MPRIP: variants seen among roughly 807,000 people sequenced by gnomAD.
MPRIP encodes myosin phosphatase Rho interacting protein, also known as myosin phosphatase Rho-interacting protein.
In MPRIP, 59 loss-of-function variants were observed where a neutral mutation model predicts 234.9. The observed-to-expected ratio is 0.25, with a 90% CI of 0.20 to 0.31. The LOEUF is 0.31. MPRIP is among the 10% of genes least tolerant of loss of function. MPRIP has a pLI of 1.00. For synonymous variants in MPRIP, 1,144 were observed against 1,263.9 expected (o/e 0.91, Z 2.01); for missense variants, 2,436 against 3,071.0 (o/e 0.79, Z 4.89).
At position 17,052,191 on chromosome 17, in the gene MPRIP, A is replaced by G. The variant is rs182933668; in HGVS notation, c.123+9220A>G. Among the ~76,000 whole-genome samples the G allele has an allele frequency of 2.1e-3, 322 of 152,316 alleles. 4 individuals are homozygous for G. Among genetic ancestry groups the G allele is most frequent in the Admixed American group, 0.02 (304 of 15,294 alleles). On this transcript the variant is annotated intron_variant, in intron 1 of 23. Coordinates refer to ENST00000651222, the MANE Select transcript of MPRIP (RefSeq NM_001364716.4). Reference sequence around the variant, plus strand: ...TTCAGCTCCATGAGGCTCCCGTGCCAGAGTCCACCCTGGCTCCAGACTCCA... The same window carrying G: ...TTCAGCTCCATGAGGCTCCCGTGCCGGAGTCCACCCTGGCTCCAGACTCCA...
chr17:17,092,523 A>C (rs1263907243), intron 3 of MPRIP, among the ~76,000 whole-genome samples: 1 of 152,170 alleles, frequency 6.6e-6, no homozygotes, highest in East Asian at 1.9e-4. Flanking sequence ...GCCAGAGCCC[A>C]GTTGGTGGGA....
chr17:17,066,517 A>G (rs2089028697), intron 1 of MPRIP, among the ~76,000 whole-genome samples: 1 of 152,036 alleles, frequency 6.6e-6, no homozygotes, highest in Non-Finnish European at 1.5e-5. Flanking sequence ...CTATAAATAT[A>G]TTGCTGAATT....
rs975421975 is a variant in MPRIP at position 17,051,954 on chromosome 17, C to G, written c.123+8983C>G. Among the ~76,000 whole-genome samples the G allele has an allele frequency of 1.1e-4, 16 of 152,218 alleles. 1 individual carries two copies. In the South Asian group the frequency reaches 1.2e-3, roughly 12 times the overall value. On this transcript the variant is annotated intron_variant, in intron 1 of 23. Transcript: ENST00000651222. ...GTCAGAGCTGCTTTGCAGCGAGACT[C>G]TGAGTGGATGGGCCTGCCGGATCCT...
chr17:17,121,914 G>A (rs1445784087), intron 3 of MPRIP, among the ~76,000 whole-genome samples: 1 of 152,158 alleles, frequency 6.6e-6, no homozygotes, highest in Non-Finnish European at 1.5e-5. Context: ...CATGTGCTGT[G>A]TGGTTTTCTG....
Position 17,078,041 on chromosome 17 carries a change from G to A in MPRIP, c.232G>A (p.Glu78Lys). ...GCAGCGACGGTTCTTCATCCTTTAC[G>A]AGCACGGCCTCTTGCGCTACGCCCT... ...KWQRRFFILY[E>K]HGLLRYALDE... Residue 78 changes from glutamate to lysine, a missense_variant, in exon 3 of 24, where the codon GAG (glutamate) becomes AAG (lysine). By Grantham distance (56) the Glu-to-Lys change is moderately conservative (BLOSUM62 1). Coordinates refer to ENST00000651222, the MANE Select transcript of MPRIP (RefSeq NM_001364716.4). This position sits in a 1 kb window ranked among gnomAD's most constrained non-coding sequence, Gnocchi z 4.3. 2 of 1,614,126 alleles carry A rather than the reference G, an allele frequency of 1.2e-6. No homozygotes were observed. Among genetic ancestry groups the A allele is most frequent in the Non-Finnish European group, 1.7e-6 (2 of 1,180,032 alleles).
At chr17:17,183,153 C>G (rs1307152272) in intron 23 of MPRIP, 4 of 152,324 alleles carry the variant, frequency 2.6e-5, no homozygotes, top group Non-Finnish European at 4.4e-5. Flanking sequence ...AAGAAACCCT[C>G]TCAGAAACAC....
At chr17:17,106,660 G>A (rs1414706330) in intron 3 of MPRIP, among the ~76,000 whole-genome samples, 1 of 152,226 alleles carries the variant, frequency 6.6e-6, no homozygotes, top group Admixed American at 6.5e-5. Context: ...TAGTCTGGGA[G>A]GCAGGTCAGT....
At chr17:17,114,549 A>C (rs532671841) in intron 3 of MPRIP, among the ~76,000 whole-genome samples, 16 of 152,036 alleles carry the variant, frequency 1.1e-4, no homozygotes, top group Admixed American at 7.9e-4. Context: ...TTGTTCTTGC[A>C]TTGAGGTATC....
chr17:17,106,216 G>A (rs1245305892), intron 3 of MPRIP, among the ~76,000 whole-genome samples: 1 of 152,250 alleles, frequency 6.6e-6, no homozygotes, highest in Non-Finnish European at 1.5e-5. Flanking sequence ...GAGGTGCTCA[G>A]TACCCCGTTT....
At chr17:17,127,574 A>G (rs766645326) in intron 4 of MPRIP, among the ~76,000 whole-genome samples, 7 of 152,274 alleles carry the variant, frequency 4.6e-5, no homozygotes, top group Non-Finnish European at 1.0e-4. Flanking sequence ...GAAAAGCCGT[A>G]CATAGTCCGT....
At chr17:17,072,792 C>T (rs944057519) in intron 1 of MPRIP, among the ~76,000 whole-genome samples, 2 of 152,118 alleles carry the variant, frequency 1.3e-5, no homozygotes, top group African/African-American at 4.8e-5. Flanking sequence ...ACAGATGGCT[C>T]CTCATGGCCC....
intron 4 of MPRIP, among the ~76,000 whole-genome samples, chr17:17,130,503 C>A (rs1456752747): frequency 2.0e-5 from 3 of 151,994 alleles, no homozygotes; most frequent in Non-Finnish European, 4.4e-5. Flanking sequence ...GACTCGAGCC[C>A]TTCTCCTGCC....
At chr17:17,163,929 A>G (rs2045925036) in intron 15 of MPRIP, among the ~76,000 whole-genome samples, 180 bp from the exon 16 acceptor site, 1 of 39,370 alleles carries the variant, frequency 2.5e-5, no homozygotes, top group Admixed American at 4.0e-4. Flanking sequence ...GCTACTTACT[A>G]AAAAAAAAAA....
intron 1 of MPRIP, among the ~76,000 whole-genome samples, chr17:17,064,672 T>C (rs1027583263): frequency 6.6e-6 from 1 of 152,210 alleles, no homozygotes; most frequent in Admixed American, 6.5e-5. Context: ...TTGGCTTTTT[T>C]CACCTAGAAT....
intron 18 of MPRIP, 65 bp from the exon 19 acceptor site, chr17:17,173,851 G>A: frequency 1.3e-6 from 2 of 1,594,620 alleles, no homozygotes; most frequent in Non-Finnish European, 1.7e-6. Flanking sequence ...GTCAAGGAGG[G>A]ACACCGGCCT....
In MPRIP at chr17:17,164,967, G is replaced by C; in HGVS notation, c.3376G>C (p.Glu1126Gln). ...GACAGAGCGCGTGGCCACGTCCGAC[G>C]AGGATGTGGCTGAGCTCCGGGAAAA... ...ELTERVATSD[E>Q]DVAELREKLR... The change falls in exon 16 of 24, where the codon GAG becomes CAG. Residue 1126 changes from glutamate to glutamine, a missense_variant. Around this residue, in one of 4 missense-constraint regions of MPRIP, gnomAD observed 1,998 missense variants for 2,520.3 expected, o/e 0.79. Coordinates refer to ENST00000651222, the MANE Select transcript of MPRIP (RefSeq NM_001364716.4). 5.4e-6 allele frequency: 7 copies of C among 1,303,230 alleles called. No individual in the cohort carries two copies. Among genetic ancestry groups the C allele is most frequent in the Non-Finnish European group, 7.1e-6 (7 of 988,862 alleles). 80.7% of individuals were successfully genotyped at this position (1,303,230 alleles called of 1,614,324 possible). A position where few individuals can be genotyped will look rare whatever the true frequency, so the allele number is the denominator to read the frequency against.
intron 3 of MPRIP, among the ~76,000 whole-genome samples, chr17:17,108,647 T>A (rs2090109295): frequency 6.6e-6 from 1 of 152,174 alleles, no homozygotes; most frequent in Admixed American, 6.5e-5. Flanking sequence ...TAGAGAGGTC[T>A]GGGCCCCCTG....
intron 15 of MPRIP, among the ~76,000 whole-genome samples, chr17:17,163,397 G>T (rs1051831194): frequency 6.6e-6 from 1 of 152,084 alleles, no homozygotes; most frequent in Non-Finnish European, 1.5e-5. Context: ...TTTCATTTAC[G>T]TTGTGTTTTG....
rs1033932956 is a variant in MPRIP, at chr17:17,049,061, G to A, written c.123+6090G>A. Among the ~76,000 whole-genome samples, 4 of 152,208 alleles carry A rather than the reference G, an allele frequency of 2.6e-5. 1 individual carries two copies. Among genetic ancestry groups the A allele is most frequent in the South Asian group, 2.1e-4 (1 of 4,830 alleles). On this transcript the variant is annotated intron_variant, in intron 1 of 23. Coordinates refer to ENST00000651222, the MANE Select transcript of MPRIP (RefSeq NM_001364716.4). ...CATGGACGAACCTAGAAAACATTGC[G>A]CTAAGAGGCAGACATGAAAGGTCAT... is the stretch of plus-strand genomic sequence containing the variant.
Sources: gnomAD v4.1 joint callset for allele counts (sites outside exome capture counted in the v4.1 genomes callset) on GRCh38, gnomAD v4.1.1 for gene constraint, gnomAD v4.1.1 regional missense constraint, Gnocchi (gnomAD v3.1) non-coding constraint, MANE v1.5 for transcripts, NCBI Gene and HGNC (gene_info 2026-07-23, HGNC 2026-07-21) for gene names.